The following PDE4D variants were observed in gnomAD, a reference collection of about 807,000 sequenced individuals.
The protein encoded by PDE4D is phosphodiesterase 4D, also known as 3',5'-cyclic-AMP phosphodiesterase 4D.
In PDE4D, 24 loss-of-function variants were observed where a neutral mutation model predicts 87.4. That is an observed-to-expected ratio of 0.27 (90% CI 0.20 to 0.39). The LOEUF is 0.39. Ranked by LOEUF, PDE4D falls within the 10% of genes least tolerant of loss-of-function variation. The probability of loss-of-function intolerance (pLI) is 1.00; values close to 1 mark genes in which losing one functional copy is unlikely to be tolerated. For missense variants in PDE4D, 714 were observed against 1,041.0 expected, an observed-to-expected ratio of 0.69 and a Z score of 4.32; for synonymous variants, 384 against 383.2, an observed-to-expected ratio of 1.00 and a Z score of -0.02.
chr5:60,244,426 C>G (rs1434978621), intron 1 of PDE4D, among the ~76,000 whole-genome samples: 1 of 151,848 alleles, frequency 6.6e-6, no homozygotes, highest in African/African-American at 2.4e-5. Flanking sequence ...TGATGACATT[C>G]TTTACAGAAA....
At chr5:59,534,826 G>A (rs1814859192) in intron 1 of PDE4D, among the ~76,000 whole-genome samples, 1 of 152,106 alleles carries the variant, frequency 6.6e-6, no homozygotes, top group Non-Finnish European at 1.5e-5. Flanking sequence ...GGAAATTCTG[G>A]CAATTTCTAG....
At chr5:60,147,313 C>T (rs1260378121) in intron 2 of PDE4D, among the ~76,000 whole-genome samples, 3 of 152,138 alleles carry the variant, frequency 2.0e-5, no homozygotes, top group Non-Finnish European at 4.4e-5. Context: ...TTTCAACAGA[C>T]AGGTCGTTAG....
chr5:59,493,250 G>A (rs1806550442), intron 1 of PDE4D, among the ~76,000 whole-genome samples: 1 of 152,098 alleles, frequency 6.6e-6, no homozygotes, highest in Non-Finnish European at 1.5e-5. Context: ...TTTGCAGGTG[G>A]CCAAAATCCT....
chr5:60,029,729 C>T (rs1767013939), intron 2 of PDE4D, among the ~76,000 whole-genome samples: 2 of 119,684 alleles, frequency 1.7e-5, no homozygotes, highest in East Asian at 4.5e-4. Flanking sequence ...ACCCTCTTAC[C>T]CTTCTGAGTC....
chr5:60,186,174 C>T (rs1784771994), intron 1 of PDE4D, among the ~76,000 whole-genome samples: 1 of 152,106 alleles, frequency 6.6e-6, no homozygotes, highest in Admixed American at 6.5e-5. Flanking sequence ...ATCAATAGTA[C>T]CTTGAAGCCA....
At chr5:59,362,106 T>C (rs187675214) in intron 1 of PDE4D, among the ~76,000 whole-genome samples, 2 of 152,254 alleles carry the variant, frequency 1.3e-5, no homozygotes, top group East Asian at 1.9e-4. Context: ...TGGTTCTCAT[T>C]TGAGAGCCAT....
chr5:59,686,666 T>C (rs1031761707), intron 1 of PDE4D, among the ~76,000 whole-genome samples: 1 of 152,158 alleles, frequency 6.6e-6, no homozygotes, highest in Non-Finnish European at 1.5e-5. Flanking sequence ...TTAATAAATA[T>C]ACACAGGTTA....
intron 1 of PDE4D, among the ~76,000 whole-genome samples, chr5:59,459,001 G>T (rs1414466046): frequency 6.6e-6 from 1 of 152,088 alleles, no homozygotes; most frequent in Admixed American, 6.6e-5. Context: ...AATTTAATGT[G>T]TATTTTCCTT....
chr5:59,022,862 T>C lies in PDE4D; in HGVS notation c.921+15997A>G, dbSNP rs186351637. Among the ~76,000 whole-genome samples, 46 of 152,340 alleles carry C rather than the reference T, an allele frequency of 3.0e-4. No individual in the cohort carries two copies. The East Asian group carries it at 7.9e-3, about 26-fold the overall frequency. On this transcript the variant is annotated intron_variant, in intron 6 of 14. Coordinates refer to ENST00000340635, the MANE Select transcript of PDE4D (RefSeq NM_001104631.2). ...GCTCACTAAATACATTTTTAAAATA[T>C]TATTTGGATATATTTTGAAAATACA... is the stretch of plus-strand genomic sequence containing the variant.
chr5:59,955,807 C>T (rs1219157611), intron 3 of PDE4D, among the ~76,000 whole-genome samples: 3 of 152,102 alleles, frequency 2.0e-5, no homozygotes, highest in Non-Finnish European at 4.4e-5. Flanking sequence ...TTCTTTCAAT[C>T]AGATCTCCCT....
At chr5:60,049,981 A>C (rs1328016595) in intron 2 of PDE4D, among the ~76,000 whole-genome samples, 2 of 152,106 alleles carry the variant, frequency 1.3e-5, no homozygotes, top group South Asian at 2.1e-4. Flanking sequence ...GCCACCTTGC[A>C]GTTTGATCTC....
chr5:59,927,708 C>T (rs1435074), intron 3 of PDE4D, among the ~76,000 whole-genome samples: 58,432 of 151,970 alleles, frequency 0.38, 12,401 homozygotes, highest in East Asian at 0.74. Flanking sequence ...CATATGGAAA[C>T]AGAAATGTAA....
At chr5:59,222,613 C>A (rs1010386548) in intron 1 of PDE4D, among the ~76,000 whole-genome samples, 2 of 152,168 alleles carry the variant, frequency 1.3e-5, no homozygotes, top group African/African-American at 4.8e-5. Flanking sequence ...ATCACTGAAG[C>A]CAGGACCATC....
chr5:59,839,907 G>A (rs256352), intron 1 of PDE4D, among the ~76,000 whole-genome samples: 3,410 of 152,134 alleles, frequency 0.022, 62 homozygotes, highest in Middle Eastern at 0.051. Flanking sequence ...GTAGCTAAGT[G>A]TTAAGTTTTG....
intron 1 of PDE4D, among the ~76,000 whole-genome samples, chr5:60,252,799 T>C (rs1748623282): frequency 6.6e-6 from 1 of 151,812 alleles, no homozygotes; most frequent in African/African-American, 2.4e-5. Flanking sequence ...TCCCTCTCTA[T>C]TGATAAATTT....
intron 1 of PDE4D, among the ~76,000 whole-genome samples, chr5:59,284,425 T>C (rs1410948630): frequency 6.6e-6 from 1 of 152,120 alleles, no homozygotes; most frequent in Non-Finnish European, 1.5e-5. Flanking sequence ...ATGATGAGCA[T>C]TTTTTCATGT....
chr5:59,181,543 G>T lies in PDE4D; in HGVS notation c.759-899C>A, dbSNP rs58734674. ...CTTTTAGATACATTCAAAGATGTCT[G>T]ATATATATATATATATATATATATA... On this transcript the variant is annotated intron_variant, in intron 4 of 14. Coordinates refer to ENST00000340635, the MANE Select transcript of PDE4D (RefSeq NM_001104631.2). Among the ~76,000 whole-genome samples the T allele has an allele frequency of 5.6e-3, 662 of 118,862 alleles. 21 individuals carry two copies. The highest frequency in any genetic ancestry group is 0.014 in the African/African-American group (370 of 26,382). The allele number at this position is 118,862 out of a possible 152,430, so 78.0% of individuals were successfully genotyped here.
intron 6 of PDE4D, among the ~76,000 whole-genome samples, chr5:59,020,701 C>A (rs774873641): frequency 2.0e-5 from 3 of 151,244 alleles, no homozygotes; most frequent in Admixed American, 2.0e-4. Flanking sequence ...AGGAAAGAGA[C>A]TTCTCTTAAG....
At chr5:59,030,309 T>C (rs1580397760) in intron 6 of PDE4D, among the ~76,000 whole-genome samples, 1 of 147,770 alleles carries the variant, frequency 6.8e-6, no homozygotes, top group East Asian at 2.0e-4. Flanking sequence ...ATTCAAAATA[T>C]ATAAAAAATT....
Sources: gnomAD v4.1 joint callset for allele counts (sites outside exome capture counted in the v4.1 genomes callset) on GRCh38, gnomAD v4.1.1 for gene constraint, MANE v1.5 for transcripts, NCBI Gene and HGNC (gene_info 2026-07-23, HGNC 2026-07-21) for gene names.